CAPN2: variants seen among roughly 807,000 people sequenced by gnomAD.
The protein encoded by CAPN2 is calpain-2 catalytic subunit.
CAPN2 carries 92 observed loss-of-function variants against 102.3 expected under a neutral mutation model. The ratio of observed to expected loss-of-function variants is 0.90; its 90% CI spans 0.76 to 1.07. The LOEUF (loss-of-function observed/expected upper bound fraction) is 1.07. Ranked by LOEUF, CAPN2 falls within the 50% of genes least tolerant of loss-of-function variation. The pLI, the probability that CAPN2 is intolerant of heterozygous loss-of-function variation, is 0.00. For synonymous variants in CAPN2, 340 were observed against 355.4 expected (o/e 0.96, Z 0.49); for missense variants, 800 against 909.4 (o/e 0.88, Z 1.55).
chr1:223,744,112 T>A lies in CAPN2; in HGVS notation c.320T>A (p.Leu107Gln). ...GCTGTGTTCACAGGTGACTGCTGGC[T>A]GCTGGCAGCCATTGCCTCCCTCACC... ...ICQGALGDCW[L>Q]LAAIASLTLN... Residue 107 changes from leucine (L) to glutamine (Q), a missense_variant, in exon 3 of 21, where the codon CTG (leucine) becomes CAG (glutamine). Leu to Gln is a moderately radical substitution (Grantham distance 113). Coordinates refer to ENST00000295006, the MANE Select transcript of CAPN2 (RefSeq NM_001748.5). 6.2e-7 allele frequency: 1 copy of A among 1,613,118 alleles called. No homozygotes were observed. Among genetic ancestry groups the A allele is most frequent in the Non-Finnish European group, 8.5e-7 (1 of 1,179,022 alleles).
In CAPN2 at chr1:223,745,338, G is replaced by T. The variant is rs750971960; in HGVS notation, c.459G>T (p.Val153=). The T allele has an allele frequency of 6.2e-7, 1 of 1,614,206 alleles. No individual in the cohort carries two copies. Among genetic ancestry groups the T allele is most frequent in the East Asian group, 2.2e-5 (1 of 44,870 alleles). The change falls in exon 4 of 21, where the codon GTG becomes GTT. Residue 153 remains valine, a synonymous_variant. Coordinates refer to ENST00000295006, the MANE Select transcript of CAPN2 (RefSeq NM_001748.5). The part of the protein sequence containing the change: ...FWQYGEWVEV[V]VDDRLPTKDG... ...AATACGGCGAGTGGGTGGAGGTGGTGGTGGATGACAGGCTGCCCACCAAGG... is the reference window on the plus strand; with the variant it reads ...AATACGGCGAGTGGGTGGAGGTGGTTGTGGATGACAGGCTGCCCACCAAGG...
intron 20 of CAPN2, chr1:223,772,768 C>T (rs1661515467): frequency 6.5e-6 from 1 of 153,244 alleles, no homozygotes; most frequent in Admixed American, 6.5e-5. Flanking sequence ...TAGCAATACA[C>T]ATCTCTGAAA....
At chr1:223,763,557 T>C (rs1661241117) in intron 14 of CAPN2, among the ~76,000 whole-genome samples, 1 of 152,206 alleles carries the variant, frequency 6.6e-6, no homozygotes, top group African/African-American at 2.4e-5. Context: ...ATGATGGGCA[T>C]AGAGGAGGGC....
intron 2 of CAPN2, among the ~76,000 whole-genome samples, chr1:223,741,467 TA>T (rs1366999117): frequency 0.014 from 2,001 of 144,510 alleles, 69 homozygotes; most frequent in African/African-American, 0.046. Context: ...TATATATATA[TA>T]TTTGAGAGGG....
chr1:223,716,216 A>G (rs1659870899), intron 1 of CAPN2, among the ~76,000 whole-genome samples: 1 of 152,234 alleles, frequency 6.6e-6, no homozygotes, highest in Non-Finnish European at 1.5e-5. Context: ...GTTTAGCACC[A>G]CTCTGAACTC....
intron 2 of CAPN2, among the ~76,000 whole-genome samples, chr1:223,734,713 G>A (rs892190781): frequency 1.3e-5 from 2 of 152,080 alleles, no homozygotes; most frequent in Non-Finnish European, 2.9e-5. Flanking sequence ...TGTACCAATC[G>A]AAACTCCACT....
At chr1:223,747,489 T>C (rs754418672) in intron 5 of CAPN2, among the ~76,000 whole-genome samples, 2 of 152,032 alleles carry the variant, frequency 1.3e-5, no homozygotes, top group Non-Finnish European at 2.9e-5. Context: ...TGCGGATGAT[T>C]TTAGGGATGT....
At chr1:223,753,758 T>G (rs1379610876) in intron 9 of CAPN2, among the ~76,000 whole-genome samples, 4 of 152,238 alleles carry the variant, frequency 2.6e-5, no homozygotes, top group African/African-American at 7.2e-5. Context: ...AAAACTTTGT[T>G]TCATGCACAA....
intron 1 of CAPN2, 31 bp from the exon 2 acceptor site, chr1:223,717,731 G>T: frequency 6.3e-7 from 1 of 1,591,596 alleles, no homozygotes; most frequent in Non-Finnish European, 8.6e-7. Context: ...TGGCTGGTAG[G>T]CTAACAGCAC....
intron 16 of CAPN2, among the ~76,000 whole-genome samples, chr1:223,768,040 TG>T (rs1376572158): frequency 6.6e-6 from 1 of 151,620 alleles, no homozygotes; most frequent in African/African-American, 2.4e-5. Context: ...TGGGGTTGTT[TG>T]TTTTTTTCTT....
At chr1:223,747,211 T>C (rs1385559335) in intron 5 of CAPN2, 46 bp downstream of exon 5, 3 of 1,540,960 alleles carry the variant, frequency 1.9e-6, no homozygotes, top group Non-Finnish European at 2.6e-6. Context: ...CTGCTCTTGC[T>C]GAAGGGAGGC....
At chr1:223,722,377 T>A (rs1660076300) in intron 2 of CAPN2, among the ~76,000 whole-genome samples, 1 of 133,522 alleles carries the variant, frequency 7.5e-6, no homozygotes, top group African/African-American at 2.8e-5. Context: ...AGCCTCGACC[T>A]CCTGGGCTCA....
At chr1:223,772,039 T>C (rs1392118587) in intron 19 of CAPN2, 114 bp downstream of exon 19, 1 of 1,129,100 alleles carries the variant, frequency 8.9e-7, no homozygotes, top group Non-Finnish European at 1.3e-6. Context: ...GAGTTGAGAA[T>C]GAAATTCCCT....
intron 14 of CAPN2, among the ~76,000 whole-genome samples, chr1:223,763,547 A>G (rs1292354370): frequency 6.6e-6 from 1 of 152,260 alleles, no homozygotes; most frequent in Non-Finnish European, 1.5e-5. Flanking sequence ...GGGCCCTGGC[A>G]TGATGGGCAT....
chr1:223,730,269 C>G (rs1660304583), intron 2 of CAPN2, among the ~76,000 whole-genome samples: 1 of 151,746 alleles, frequency 6.6e-6, no homozygotes, highest in African/African-American at 2.4e-5. Context: ...TTGTCCAACC[C>G]TCGTGCTGCC....
At position 223,755,249 on chromosome 1, in the gene CAPN2, T is replaced by C. The variant is rs2102805779; in HGVS notation, c.1136-231T>C. The stretch of plus-strand genomic sequence containing the variant: ...CAGCCTCCCACCGCCTCTTGCCAAC[T>C]CCCACCATCTCCCGCCATTTTCTGA... On this transcript the variant is annotated intron_variant, in intron 9 of 20. Transcript: ENST00000295006. The surrounding 1 kb of genome is among the most constrained non-coding windows in gnomAD (Gnocchi z 4.1). 6.6e-6 allele frequency among the ~76,000 whole-genome samples: 1 copy of C among 151,518 alleles called. No individual in the cohort carries two copies. The highest frequency in any genetic ancestry group is 2.4e-5 in the African/African-American group (1 of 41,266).
At chr1:223,702,401 TGGTTGAC>T (rs1249974021) in intron 1 of CAPN2, among the ~76,000 whole-genome samples, 1 of 151,482 alleles carries the variant, frequency 6.6e-6, no homozygotes, top group African/African-American at 2.4e-5. Context: ...CACTCCAGCC[TGGTTGAC>T]AGAGTGAGAC....
In CAPN2 at chr1:223,727,152, G is replaced by T. The variant is rs1660214544; in HGVS notation, c.307+9321G>T. 6.6e-6 allele frequency among the ~76,000 whole-genome samples: 1 copy of T among 152,010 alleles called. No individual in the cohort carries two copies. Among genetic ancestry groups the T allele is most frequent in the Non-Finnish European group, 1.5e-5 (1 of 68,012 alleles). ...TTAAAATGCTGTTGTCTCAGGAAGG[G>T]TGAAATTTAGCCAGGAGCAGTCTTC... On this transcript the variant is annotated intron_variant, in intron 2 of 20. Transcript: ENST00000295006. The surrounding 1 kb of genome is among the most constrained non-coding windows in gnomAD (Gnocchi z 4.1).
intron 16 of CAPN2, 32 bp downstream of exon 16, chr1:223,766,463 C>A (rs550148420): frequency 2.9e-5 from 44 of 1,507,680 alleles, no homozygotes; most frequent in Non-Finnish European, 3.7e-5. Flanking sequence ...GGAATAGAGA[C>A]TGGGGGAGTT....
Sources: gnomAD v4.1 joint callset for allele counts (sites outside exome capture counted in the v4.1 genomes callset) on GRCh38, gnomAD v4.1.1 for gene constraint, Gnocchi (gnomAD v3.1) non-coding constraint, MANE v1.5 for transcripts, NCBI Gene and HGNC (gene_info 2026-07-23, HGNC 2026-07-21) for gene names.